SYN3: variants seen among roughly 807,000 people sequenced by gnomAD.
SYN3 encodes synapsin-3.
SYN3 carries 35 observed loss-of-function variants against 65.8 expected under a neutral mutation model. The ratio of observed to expected loss-of-function variants is 0.53; its 90% CI spans 0.41 to 0.70. The LOEUF (loss-of-function observed/expected upper bound fraction) is 0.70, where lower values mean the gene tolerates loss of function less well. SYN3 is among the 30% of genes least tolerant of loss of function. The pLI is 0.00. For missense variants in SYN3, 680 were observed against 749.0 expected (o/e 0.91, Z 1.08); for synonymous variants, 270 against 292.9 (o/e 0.92, Z 0.80).
At chr22:32,967,474 A>G (rs2051882810) in intron 3 of SYN3, among the ~76,000 whole-genome samples, 1 of 152,208 alleles carries the variant, frequency 6.6e-6, no homozygotes, top group South Asian at 2.1e-4. Flanking sequence ...AGTCATTTCA[A>G]TGCCTAAGTC....
chr22:33,002,619 G>A (rs2053090814), intron 2 of SYN3, among the ~76,000 whole-genome samples: 1 of 152,024 alleles, frequency 6.6e-6, no homozygotes, highest in South Asian at 2.1e-4. Flanking sequence ...ACTACAGCCT[G>A]GGCAAGAGAG....
intron 3 of SYN3, among the ~76,000 whole-genome samples, chr22:32,942,421 A>G (rs913623609): frequency 6.6e-6 from 1 of 152,246 alleles, no homozygotes; most frequent in African/African-American, 2.4e-5. Context: ...AACAGAAAGG[A>G]CATCCACAAC....
At chr22:32,666,047 C>T (rs1430168017) in intron 6 of SYN3, among the ~76,000 whole-genome samples, 2 of 152,186 alleles carry the variant, frequency 1.3e-5, no homozygotes, top group Non-Finnish European at 2.9e-5. Flanking sequence ...CCCTGCGGCT[C>T]TCTCGATGCT....
intron 6 of SYN3, among the ~76,000 whole-genome samples, chr22:32,769,609 C>T (rs771407058): frequency 4.0e-5 from 6 of 151,768 alleles, no homozygotes; most frequent in East Asian, 1.9e-4. Context: ...CTCCGCCTCC[C>T]GGGTTCAAGT....
intron 6 of SYN3, among the ~76,000 whole-genome samples, chr22:32,612,392 T>C (rs1055268679): frequency 2.0e-5 from 3 of 152,116 alleles, no homozygotes; most frequent in Non-Finnish European, 2.9e-5. Context: ...TAACTCCAGA[T>C]AGTTAGTGTC....
intron 1 of SYN3, among the ~76,000 whole-genome samples, chr22:33,014,824 G>A (rs1018601525): frequency 2.6e-5 from 4 of 152,170 alleles, no homozygotes; most frequent in African/African-American, 7.2e-5. Context: ...TCGTAGAAGC[G>A]GTCGAGGCTT....
rs191760282 is a variant in SYN3, at chr22:32,619,732, T to A, written c.712-22996A>T. On this transcript the variant is annotated intron_variant, in intron 6 of 13. Coordinates refer to ENST00000358763, the MANE Select transcript of SYN3 (RefSeq NM_003490.4). Reference sequence around the variant, plus strand: ...CATCTGTTTTCCCACCCTTTGAATCTGGGCTGGCCTTGAGACTTTCTTTGG... The same window carrying A: ...CATCTGTTTTCCCACCCTTTGAATCAGGGCTGGCCTTGAGACTTTCTTTGG... Among the ~76,000 whole-genome samples, 20 of 152,296 alleles carry A rather than the reference T, an allele frequency of 1.3e-4. No homozygotes were observed. The East Asian group carries it at 3.9e-3, about 29-fold the overall frequency.
intron 6 of SYN3, among the ~76,000 whole-genome samples, chr22:32,778,987 G>A (rs902095835): frequency 6.6e-6 from 1 of 152,106 alleles, no homozygotes; most frequent in African/African-American, 2.4e-5. Flanking sequence ...TAGGCACTGG[G>A]GTTAGAACGA....
intron 6 of SYN3, among the ~76,000 whole-genome samples, chr22:32,717,602 C>G (rs1208793405): frequency 6.6e-6 from 1 of 152,162 alleles, no homozygotes; most frequent in Non-Finnish European, 1.5e-5. Context: ...TGATGTCAGA[C>G]TTGGGCAAGC....
chr22:32,829,710 G>T (rs1367525167), intron 6 of SYN3, among the ~76,000 whole-genome samples: 2 of 152,244 alleles, frequency 1.3e-5, no homozygotes, highest in African/African-American at 4.8e-5. Context: ...GGCCCAGGCA[G>T]GCCTGCCAAC....
chr22:32,653,201 TC>T (rs1054226264), intron 6 of SYN3, among the ~76,000 whole-genome samples: 2 of 152,176 alleles, frequency 1.3e-5, no homozygotes, highest in African/African-American at 4.8e-5. Flanking sequence ...TCATCAGTTA[TC>T]AAATTGCTTT....
intron 3 of SYN3, among the ~76,000 whole-genome samples, chr22:32,955,214 T>G (rs148805219): frequency 6.5e-4 from 99 of 152,214 alleles, no homozygotes; most frequent in Non-Finnish European, 1.3e-3. Context: ...GAACCCCAAA[T>G]GCATAGACCC....
At chr22:32,782,365 G>A (rs2046088879) in intron 6 of SYN3, among the ~76,000 whole-genome samples, 1 of 152,092 alleles carries the variant, frequency 6.6e-6, no homozygotes, top group Non-Finnish European at 1.5e-5. Flanking sequence ...ACCACGCCCA[G>A]CTAATTTTGT....
At chr22:32,707,413 T>C (rs185707049) in intron 6 of SYN3, among the ~76,000 whole-genome samples, 1 of 152,216 alleles carries the variant, frequency 6.6e-6, no homozygotes, top group South Asian at 2.1e-4. Context: ...CTGAGAAGCA[T>C]GGGCCTCAGC....
intron 6 of SYN3, among the ~76,000 whole-genome samples, chr22:32,598,351 C>T: frequency 6.6e-6 from 1 of 152,202 alleles, no homozygotes; most frequent in East Asian, 1.9e-4. Flanking sequence ...CACCATTTTA[C>T]AGATAAGAAA....
chr22:32,549,888 C>CAAAAA (rs10666789), intron 7 of SYN3, among the ~76,000 whole-genome samples: 33,592 of 141,290 alleles, frequency 0.24, 4,214 homozygotes, highest in Middle Eastern at 0.34. Flanking sequence ...GACTCTGTCT[C>CAAAAA]AAAAAAAAAA....
chr22:32,687,447 A>AG (rs1297751718), intron 6 of SYN3, among the ~76,000 whole-genome samples: 5 of 550 alleles, frequency 9.1e-3, no homozygotes, highest in Non-Finnish European at 0.089. Flanking sequence ...TACAGGCATG[A>AG]GCACCACGCC....
chr22:32,660,668 C>T (rs1006677446), intron 6 of SYN3, among the ~76,000 whole-genome samples: 28 of 152,314 alleles, frequency 1.8e-4, no homozygotes, highest in African/African-American at 4.1e-4. Context: ...CCCAAGTCTG[C>T]ATTTGGTGAT....
chr22:32,794,668 A>T (rs2046390795), intron 6 of SYN3, among the ~76,000 whole-genome samples: 1 of 152,214 alleles, frequency 6.6e-6, no homozygotes, highest in Non-Finnish European at 1.5e-5. Context: ...ACTAGGGGCA[A>T]CAGAGTGTGC....
Sources: allele counts gnomAD v4.1 joint callset (sites outside exome capture counted in the v4.1 genomes callset), GRCh38; gene constraint gnomAD v4.1.1; transcripts MANE v1.5; gene names NCBI Gene and HGNC (gene_info 2026-07-23, HGNC 2026-07-21).